The following BZW2 variants were observed in gnomAD, a reference collection of about 807,000 sequenced individuals.
BZW2 encodes basic leucine zipper and W2 domains 2.
A neutral mutation model predicts 53.2 loss-of-function variants in BZW2; 23 were observed. The observed-to-expected ratio is 0.43, with a 90% CI of 0.31 to 0.61. The LOEUF (loss-of-function observed/expected upper bound fraction) is 0.61. Ranked by LOEUF, BZW2 falls within the 20% of genes least tolerant of loss-of-function variation. The probability of loss-of-function intolerance (pLI) is 0.09; values close to 1 mark genes in which losing one functional copy is unlikely to be tolerated. For missense variants in BZW2, 409 were observed against 503.1 expected, an observed-to-expected ratio of 0.81 and a Z score of 1.79; for synonymous variants, 227 against 186.4, an observed-to-expected ratio of 1.22 and a Z score of -1.77.
At chr7:16,687,618 G>C (rs1031386944) in intron 6 of BZW2, 2 of 152,040 alleles carry the variant, frequency 1.3e-5, no homozygotes, top group Non-Finnish European at 2.9e-5. Flanking sequence ...CTGCTCAGGA[G>C]ACTAAGGCAA....
chr7:16,660,188 T>C (rs973245194), intron 1 of BZW2, among the ~76,000 whole-genome samples: 11 of 151,578 alleles, frequency 7.3e-5, no homozygotes, highest in Non-Finnish European at 1.6e-4. Context: ...TGTTGCCCTA[T>C]AATTTTTAGA....
At chr7:16,670,457 A>G (rs1025268347) in intron 2 of BZW2, among the ~76,000 whole-genome samples, 7 of 152,252 alleles carry the variant, frequency 4.6e-5, no homozygotes, top group Non-Finnish European at 1.0e-4. Flanking sequence ...ACCTGAATCA[A>G]CATCCAACCA....
At chr7:16,684,864 A>G (rs983210322) in intron 5 of BZW2, among the ~76,000 whole-genome samples, 1 of 152,224 alleles carries the variant, frequency 6.6e-6, no homozygotes, top group African/African-American at 2.4e-5. Flanking sequence ...AGTCTATAAT[A>G]TAATAATCCT....
At chr7:16,653,816 GA>G (rs2128350104) in intron 1 of BZW2, among the ~76,000 whole-genome samples, 1 of 152,262 alleles carries the variant, frequency 6.6e-6, no homozygotes, top group South Asian at 2.1e-4. Flanking sequence ...GTGGGGCTAG[GA>G]TATAAGGTCA....
chr7:16,684,667 G>A (rs1721595917), intron 5 of BZW2, among the ~76,000 whole-genome samples: 1 of 152,078 alleles, frequency 6.6e-6, no homozygotes. Flanking sequence ...ATTTATGTTA[G>A]TTCTTTCATT....
intron 1 of BZW2, among the ~76,000 whole-genome samples, chr7:16,649,386 C>T (rs1229677677): frequency 6.6e-6 from 1 of 152,188 alleles, no homozygotes; most frequent in Non-Finnish European, 1.5e-5. Context: ...TGAGGTGGCA[C>T]TAAGCACGCA....
intron 1 of BZW2, among the ~76,000 whole-genome samples, chr7:16,657,166 A>C (rs1013619536): frequency 6.6e-6 from 1 of 152,214 alleles, no homozygotes; most frequent in Non-Finnish European, 1.5e-5. Flanking sequence ...TTTTCACTTA[A>C]GTATATACAA....
intron 5 of BZW2, among the ~76,000 whole-genome samples, chr7:16,684,282 C>A (rs1783046395): frequency 6.6e-6 from 1 of 152,136 alleles, no homozygotes; most frequent in Admixed American, 6.5e-5. Flanking sequence ...CCTTAGTGTT[C>A]TTTTCTGTAA....
chr7:16,659,873 T>C (rs1242117690), intron 1 of BZW2, among the ~76,000 whole-genome samples: 1 of 151,912 alleles, frequency 6.6e-6, no homozygotes, highest in African/African-American at 2.4e-5. Flanking sequence ...TATTATACTT[T>C]AAGTTCTAGG....
intron 10 of BZW2, among the ~76,000 whole-genome samples, chr7:16,701,799 A>G (rs1783677025): frequency 6.6e-6 from 1 of 152,204 alleles, no homozygotes; most frequent in South Asian, 2.1e-4. Flanking sequence ...TGAACAAAAT[A>G]TAGTCCCTGA....
In BZW2 at chr7:16,690,716, G is replaced by T. The variant is rs191322800; in HGVS notation, c.651+810G>T. On this transcript the variant is annotated intron_variant, in intron 7 of 11. Transcript: ENST00000258761. ...GTTGCAGAAATTAAACAAGTTAATT[G>T]TGTCACAATTGCTTGATTATATTTT... Among the ~76,000 whole-genome samples, 387 of 152,300 alleles carry T rather than the reference G, an allele frequency of 2.5e-3. 3 individuals are homozygous for T. The highest frequency in any genetic ancestry group is 9.0e-3 in the African/African-American group (374 of 41,566).
rs889647658 is a variant in BZW2, at chr7:16,697,976, T to C, written c.970-72T>C. 7.7e-6 allele frequency: 12 copies of C among 1,568,500 alleles called. No homozygotes were observed. In the African/African-American group the frequency reaches 1.6e-4, roughly 21 times the overall value. On this transcript the variant is annotated intron_variant, in intron 9 of 11. Transcript: ENST00000258761. Reference sequence around the variant, plus strand: ...TTCTAAGCAACCCTCCAGGTTACTGTTATAGTTCCAGCAGTGTCGGCTCTG... The same window carrying C: ...TTCTAAGCAACCCTCCAGGTTACTGCTATAGTTCCAGCAGTGTCGGCTCTG...
At chr7:16,661,612 A>G (rs911331741) in intron 1 of BZW2, among the ~76,000 whole-genome samples, 5 of 152,190 alleles carry the variant, frequency 3.3e-5, no homozygotes, top group Non-Finnish European at 5.9e-5. Context: ...TTAATATAGT[A>G]TCAAGTTTCT....
intron 1 of BZW2, among the ~76,000 whole-genome samples, chr7:16,656,712 A>T (rs1782135114): frequency 6.6e-6 from 1 of 152,176 alleles, no homozygotes; most frequent in South Asian, 2.1e-4. Context: ...TTGACATTCT[A>T]CTGAAGGAAA....
chr7:16,662,932 A>G (rs1329960703), intron 1 of BZW2, among the ~76,000 whole-genome samples: 4 of 152,048 alleles, frequency 2.6e-5, no homozygotes, highest in African/African-American at 7.2e-5. Flanking sequence ...CTTGACACAT[A>G]TTTTTCTTTG....
chr7:16,701,147 T>C (rs1783654104), intron 10 of BZW2, among the ~76,000 whole-genome samples: 1 of 152,152 alleles, frequency 6.6e-6, no homozygotes, highest in Non-Finnish European at 1.5e-5. Flanking sequence ...TGGTGATGGG[T>C]CATTTTGCAA....
chr7:16,673,049 G>C (rs1045040268), intron 2 of BZW2, among the ~76,000 whole-genome samples: 2 of 151,972 alleles, frequency 1.3e-5, no homozygotes, highest in Non-Finnish European at 2.9e-5. Context: ...GGGTTCAAGT[G>C]ATTCTCCTGC....
At chr7:16,684,007 G>A (rs1310593354) in intron 5 of BZW2, among the ~76,000 whole-genome samples, 2 of 152,156 alleles carry the variant, frequency 1.3e-5, no homozygotes, top group South Asian at 4.1e-4. Context: ...GAATCCATTA[G>A]CATGGATATA....
At chr7:16,655,151 A>G (rs1782090114) in intron 1 of BZW2, among the ~76,000 whole-genome samples, 1 of 152,174 alleles carries the variant, frequency 6.6e-6, no homozygotes, top group Admixed American at 6.5e-5. Flanking sequence ...TTCTAAAATT[A>G]AATCCTCTAT....
Sources: allele counts gnomAD v4.1 joint callset (sites outside exome capture counted in the v4.1 genomes callset), GRCh38; gene constraint gnomAD v4.1.1; transcripts MANE v1.5; gene names NCBI Gene and HGNC (gene_info 2026-07-23, HGNC 2026-07-21).